The following SEMA3A variants were observed in gnomAD, a reference collection of about 807,000 sequenced individuals.
SEMA3A encodes semaphorin 3A, also known as semaphorin-3A.
Under a neutral mutation model 97.9 loss-of-function variants are expected in SEMA3A, and 29 were observed. The observed-to-expected ratio is 0.30, with a 90% confidence interval of 0.22 to 0.40. The LOEUF is 0.40. SEMA3A is among the 10% of genes least tolerant of loss of function. The probability of loss-of-function intolerance (pLI) is 1.00; values close to 1 mark genes in which losing one functional copy is unlikely to be tolerated. For synonymous variants in SEMA3A, 321 were observed against 323.7 expected (o/e 0.99, Z 0.09); for missense variants, 763 against 951.3 (o/e 0.80, Z 2.60).
At chr7:84,433,182 CCATCATTTA>C (rs1237800852) in intron 1 of SEMA3A, among the ~76,000 whole-genome samples, 1 of 151,634 alleles carries the variant, frequency 6.6e-6, no homozygotes, top group Non-Finnish European at 1.5e-5. Context: ...ACCCATCAAC[CCATCATTTA>C]CATTAGGTAT....
intron 1 of SEMA3A, among the ~76,000 whole-genome samples, chr7:84,183,138 C>T (rs1284511663): frequency 6.6e-6 from 1 of 152,148 alleles, no homozygotes; most frequent in African/African-American, 2.4e-5. Flanking sequence ...CCTGTATTTA[C>T]ATTGTCTCTA....
chr7:84,198,656 T>C (rs1798291462), upstream of SEMA3A, among the ~76,000 whole-genome samples: 1 of 152,252 alleles, frequency 6.6e-6, no homozygotes, highest in African/African-American at 2.4e-5. Flanking sequence ...GTGTCTAATA[T>C]GTTCTAACAA....
chr7:84,194,612 C>G lies in SEMA3A; in HGVS notation c.-26G>C. ...GCTGCAGACGCTGTAGGTCCCTTTG[C>G]TGCTTTAGTCTTCCTTCCTGTATTG... is the stretch of plus-strand genomic sequence containing the variant. On this transcript the variant is annotated 5_prime_UTR_variant, in exon 1 of 17. Transcript: ENST00000265362. The G allele has an allele frequency of 7.3e-7, 1 of 1,375,196 alleles. No individual in the cohort carries two copies. 85.2% of individuals were successfully genotyped at this position (1,375,196 alleles called of 1,614,324 possible).
chr7:84,371,354 CATA>C (rs1181316420), intron 2 of SEMA3A, among the ~76,000 whole-genome samples: 3 of 151,670 alleles, frequency 2.0e-5, no homozygotes, highest in Non-Finnish European at 4.4e-5. Flanking sequence ...GAACAGTAAT[CATA>C]ATAACATTTA....
rs10272199 is a variant in SEMA3A at position 84,292,819 on chromosome 7, G to T, written c.-83+14388C>A. On this transcript the variant is annotated intron_variant, in intron 3 of 3. Coordinates refer to the SEMA3A transcript ENST00000424555. ...TTTATTTTACATTTCAAAGGCCTTAGGACATATTTTAAATCAATATTTTAA... is the reference window on the plus strand; with the variant it reads ...TTTATTTTACATTTCAAAGGCCTTATGACATATTTTAAATCAATATTTTAA... Among the ~76,000 whole-genome samples the T allele has an allele frequency of 7.7e-4, 117 of 152,030 alleles. 1 individual carries two copies. The highest frequency in any genetic ancestry group is 2.7e-3 in the African/African-American group (112 of 41,502).
intron 1 of SEMA3A, among the ~76,000 whole-genome samples, chr7:84,473,786 C>T (rs1806213001): frequency 6.6e-6 from 1 of 152,026 alleles, no homozygotes; most frequent in Admixed American, 6.6e-5. Flanking sequence ...GACTAGGAGC[C>T]TCAAAATTAT....
intron 1 of SEMA3A, among the ~76,000 whole-genome samples, chr7:84,418,760 C>T (rs1315662288): frequency 6.6e-6 from 1 of 151,954 alleles, no homozygotes; most frequent in Non-Finnish European, 1.5e-5. Context: ...CTGTCAACTT[C>T]CCTGGTTTTC....
chr7:84,373,149 T>C (rs1216260976), intron 1 of SEMA3A, among the ~76,000 whole-genome samples: 1 of 152,184 alleles, frequency 6.6e-6, no homozygotes, highest in African/African-American at 2.4e-5. Context: ...AAGCCCAGAC[T>C]AAATAAGTGT....
At chr7:84,386,460 T>C (rs1280329639) in intron 1 of SEMA3A, among the ~76,000 whole-genome samples, 1 of 152,128 alleles carries the variant, frequency 6.6e-6, no homozygotes, top group African/African-American at 2.4e-5. Context: ...AGGAGACACA[T>C]GATGCTTCCT....
chr7:84,442,262 A>G (rs531217763), intron 1 of SEMA3A, among the ~76,000 whole-genome samples: 1 of 152,248 alleles, frequency 6.6e-6, no homozygotes, highest in South Asian at 2.1e-4. Context: ...ATATTATAAA[A>G]TTATTAGTTT....
chr7:84,178,383 C>A (rs1257367464), intron 1 of SEMA3A, among the ~76,000 whole-genome samples: 1 of 152,056 alleles, frequency 6.6e-6, no homozygotes, highest in East Asian at 1.9e-4. Flanking sequence ...CTGAGTGCTC[C>A]CTGTGTCTCA....
At chr7:84,450,153 C>T (rs192305767) in intron 1 of SEMA3A, among the ~76,000 whole-genome samples, 2 of 151,956 alleles carry the variant, frequency 1.3e-5, no homozygotes, top group South Asian at 2.1e-4. Context: ...TTTGGGAAAC[C>T]TCCATAATTC....
intron 1 of SEMA3A, among the ~76,000 whole-genome samples, chr7:84,451,356 G>A (rs928877162): frequency 1.3e-5 from 2 of 152,100 alleles, no homozygotes; most frequent in African/African-American, 2.4e-5. Context: ...AGTATTCAAG[G>A]TCATAGGGAA....
intron 2 of SEMA3A, among the ~76,000 whole-genome samples, chr7:84,329,184 A>G (rs1801849222): frequency 6.6e-6 from 1 of 151,990 alleles, no homozygotes; most frequent in African/African-American, 2.4e-5. Context: ...ATTTTGGCAG[A>G]GGTAACATTA....
chr7:84,177,782 T>C (rs1358305221), intron 1 of SEMA3A, among the ~76,000 whole-genome samples: 4 of 152,130 alleles, frequency 2.6e-5, no homozygotes, highest in African/African-American at 9.6e-5. Flanking sequence ...CAACATCTTT[T>C]GTTTTCTCTG....
chr7:84,435,705 T>G (rs1805109787), intron 1 of SEMA3A, among the ~76,000 whole-genome samples: 1 of 152,138 alleles, frequency 6.6e-6, no homozygotes, highest in African/African-American at 2.4e-5. Context: ...CATTCCATGC[T>G]CATAGACTGG....
At chr7:84,114,048 C>T (rs1376969409) in intron 3 of SEMA3A, among the ~76,000 whole-genome samples, 2 of 152,084 alleles carry the variant, frequency 1.3e-5, no homozygotes, top group African/African-American at 4.8e-5. Flanking sequence ...ACAAACATTG[C>T]AGATATGAAG....
intron 1 of SEMA3A, among the ~76,000 whole-genome samples, chr7:84,403,988 T>A (rs1267039156): frequency 6.6e-6 from 1 of 151,936 alleles, no homozygotes; most frequent in Non-Finnish European, 1.5e-5. Flanking sequence ...TCAGAGCGCC[T>A]CTCCTCCTCC....
chr7:84,320,485 T>C (rs910038637), intron 2 of SEMA3A, among the ~76,000 whole-genome samples: 4 of 152,166 alleles, frequency 2.6e-5, no homozygotes, highest in African/African-American at 9.6e-5. Flanking sequence ...TTTATATTGC[T>C]AGCATCAACT....
Sources: gnomAD v4.1 joint callset for allele counts (sites outside exome capture counted in the v4.1 genomes callset) on GRCh38, gnomAD v4.1.1 for gene constraint, MANE v1.5 for transcripts, NCBI Gene and HGNC (gene_info 2026-07-23, HGNC 2026-07-21) for gene names.